LSS: variants seen among roughly 807,000 people sequenced by gnomAD.
The protein encoded by LSS is 2,3-epoxysqualene-lanosterol cyclase.
In LSS, 90 loss-of-function variants were observed where a neutral mutation model predicts 110.3. The observed-to-expected ratio is 0.82, with a 90% confidence interval of 0.69 to 0.97. LSS has a LOEUF of 0.97. Among genes scored for constraint, LSS ranks in the 50% least tolerant of loss-of-function variants. The pLI is 0.00. For missense variants in LSS, 927 were observed against 990.0 expected, an observed-to-expected ratio of 0.94 and a Z score of 0.85; for synonymous variants, 433 against 400.0, an observed-to-expected ratio of 1.08 and a Z score of -0.98.
Position 46,213,719 on chromosome 21 carries a change from A to G in LSS, c.1109+19T>C, listed in dbSNP as rs777199418. On this transcript the variant is annotated intron_variant, in intron 10 of 21. Transcript: ENST00000397728. The stretch of plus-strand genomic sequence containing the variant: ...AGTCTTCGTGAGAGGCCCCGCCAGC[A>G]TATCCCAGCCACACTCACCAGAGAT... The G allele has an allele frequency of 5.0e-6, 8 of 1,607,620 alleles. No homozygotes were observed. The highest frequency in any genetic ancestry group is 4.0e-5 in the African/African-American group (3 of 74,760).
chr21:46,195,916 C>T (rs2079903559), intron 18 of LSS, among the ~76,000 whole-genome samples, 160 bp from the exon 19 acceptor site: 1 of 152,188 alleles, frequency 6.6e-6, no homozygotes, highest in Non-Finnish European at 1.5e-5. Flanking sequence ...GTCTGCTGGA[C>T]CCTAAGAGCA....
rs12483507 is a variant in LSS at position 46,195,489 on chromosome 21, G to C, written c.1817+187C>G. Among the ~76,000 whole-genome samples the C allele has an allele frequency of 0.014, 2,143 of 152,340 alleles. 22 individuals carry two copies. The highest frequency in any genetic ancestry group is 0.023 in the Non-Finnish European group (1,540 of 68,030). On this transcript the variant is annotated intron_variant, in intron 19 of 21. Transcript: ENST00000397728. ...ACTCGGGAGGATCGCTTGAGCCCACGAGTTTGAGACTGCAGTGAGCTAGGA... is the reference window on the plus strand; with the variant it reads ...ACTCGGGAGGATCGCTTGAGCCCACCAGTTTGAGACTGCAGTGAGCTAGGA...
Sources: allele counts gnomAD v4.1 joint callset (sites outside exome capture counted in the v4.1 genomes callset), GRCh38; gene constraint gnomAD v4.1.1; transcripts MANE v1.5; gene names NCBI Gene and HGNC (gene_info 2026-07-23, HGNC 2026-07-21).